The following CCDC63 variants were observed in gnomAD, a reference collection of about 807,000 sequenced individuals.
CCDC63 encodes coiled-coil domain containing 63.
Under a neutral mutation model 63.6 loss-of-function variants are expected in CCDC63, and 54 were observed. That is an observed-to-expected ratio of 0.85 (90% CI 0.68 to 1.07). The LOEUF (loss-of-function observed/expected upper bound fraction) is 1.07. Ranked by LOEUF, CCDC63 falls within the 50% of genes least tolerant of loss-of-function variation. The pLI, the probability that CCDC63 is intolerant of heterozygous loss-of-function variation, is 0.00. For missense variants in CCDC63, 637 were observed against 689.6 expected (o/e 0.92, Z 0.86); for synonymous variants, 253 against 266.1 (o/e 0.95, Z 0.48).
intron 3 of CCDC63, among the ~76,000 whole-genome samples, chr12:110,853,929 GAA>G (rs1378433277): frequency 6.6e-6 from 1 of 152,164 alleles, no homozygotes; most frequent in African/African-American, 2.4e-5. Context: ...CAGCTGGTGG[GAA>G]GTGGCTGCTC....
chr12:110,852,738 C>T, intron 1 of CCDC63, 121 bp from the exon 2 acceptor site: 1 of 671,860 alleles, frequency 1.5e-6, no homozygotes, highest in Non-Finnish European at 2.6e-6. Context: ...TGGGTATCCT[C>T]CTCATGTGCC....
In CCDC63 at chr12:110,852,911, C is replaced by T; in HGVS notation, c.-44C>T. ...GGAAGGCTCACTGGCTTTGAGCTCT[C>T]TGGGTACAGTGTCTGAGTGGAGGCA... On this transcript the variant is annotated 5_prime_UTR_variant, in exon 2 of 12. Coordinates refer to ENST00000308208, the MANE Select transcript of CCDC63 (RefSeq NM_152591.3). 5.0e-6 allele frequency: 8 copies of T among 1,614,126 alleles called. No individual in the cohort carries two copies. The highest frequency in any genetic ancestry group is 6.8e-6 in the Non-Finnish European group (8 of 1,180,034).
At chr12:110,860,840 C>T (rs143365672) in intron 4 of CCDC63, among the ~76,000 whole-genome samples, 2,373 of 152,324 alleles carry the variant, frequency 0.016, 73 homozygotes, top group African/African-American at 0.053. Context: ...CCACCCACCT[C>T]GGCCTCCCAA....
intron 10 of CCDC63, among the ~76,000 whole-genome samples, chr12:110,903,594 C>A (rs1000396978): frequency 6.6e-6 from 1 of 152,144 alleles, no homozygotes; most frequent in African/African-American, 2.4e-5. Context: ...CGGTGCATGG[C>A]GTGGTAGACA....
At chr12:110,880,621 T>C (rs1036732578) in intron 6 of CCDC63, among the ~76,000 whole-genome samples, 1 of 84,850 alleles carries the variant, frequency 1.2e-5, no homozygotes, top group African/African-American at 4.3e-5. Context: ...TTAAATAATA[T>C]ATAAATGTAA....
At chr12:110,861,525 G>T (rs934547146) in intron 4 of CCDC63, among the ~76,000 whole-genome samples, 1 of 151,814 alleles carries the variant, frequency 6.6e-6, no homozygotes, top group Non-Finnish European at 1.5e-5. Flanking sequence ...GCCTTTCCCT[G>T]TCCTCTTTGC....
At chr12:110,874,968 G>C (rs1050374059) in intron 5 of CCDC63, among the ~76,000 whole-genome samples, 2 of 152,196 alleles carry the variant, frequency 1.3e-5, no homozygotes, top group African/African-American at 4.8e-5. Context: ...TGAAACTGTA[G>C]CTCCCACATG....
chr12:110,891,948 G>A (rs1167039426), intron 8 of CCDC63, among the ~76,000 whole-genome samples: 3 of 152,202 alleles, frequency 2.0e-5, no homozygotes, highest in Non-Finnish European at 4.4e-5. Flanking sequence ...CGGTCGAAAG[G>A]TGTGAGCTTT....
chr12:110,894,165 G>C (rs536525435), intron 9 of CCDC63, among the ~76,000 whole-genome samples: 2 of 151,614 alleles, frequency 1.3e-5, no homozygotes, highest in African/African-American at 4.9e-5. Context: ...AGATCCAGCC[G>C]TTGCATATAC....
intron 5 of CCDC63, among the ~76,000 whole-genome samples, chr12:110,878,355 C>T (rs12305041): frequency 6.6e-6 from 1 of 152,124 alleles, no homozygotes; most frequent in African/African-American, 2.4e-5. Flanking sequence ...CACTCTGTTG[C>T]CCAGGCTGGA....
intron 4 of CCDC63, among the ~76,000 whole-genome samples, chr12:110,867,197 G>T (rs1318594299): frequency 7.5e-6 from 1 of 133,634 alleles, no homozygotes; most frequent in African/African-American, 2.9e-5. Flanking sequence ...CCTCCCTCCC[G>T]GACGGGGCGG....
chr12:110,850,155 C>G (rs12308836), intron 1 of CCDC63, among the ~76,000 whole-genome samples: 13,870 of 152,224 alleles, frequency 0.091, 935 homozygotes, highest in African/African-American at 0.19. Context: ...ACAAGTAGAT[C>G]TGGGGACCTG....
At position 110,884,098 on chromosome 12, in the gene CCDC63, C is replaced by T. The variant is rs748987293; in HGVS notation, c.922C>T (p.Leu308Phe). Reference protein sequence around the residue: ...ESFESYEVAHLRLLKLAESGN... With the variant: ...ESFESYEVAHFRLLKLAESGN... ...TTTTGAGAGCTATGAGGTGGCCCAC[C>T]TCCGGCTGCTGAAGCTGGCTGAGAG... Residue 308 changes from leucine (L) to phenylalanine (F), a missense_variant, in exon 8 of 12, where the codon CTC becomes TTC. By Grantham distance (22) the Leu-to-Phe change is conservative. Coordinates refer to ENST00000308208, the MANE Select transcript of CCDC63 (RefSeq NM_152591.3). 1 of 1,614,136 alleles carries T rather than the reference C, an allele frequency of 6.2e-7. No homozygotes were observed. The highest frequency in any genetic ancestry group is 1.7e-5 in the Admixed American group (1 of 60,026).
chr12:110,867,097 A>G (rs1352130090), intron 4 of CCDC63, among the ~76,000 whole-genome samples: 11 of 122,096 alleles, frequency 9.0e-5, no homozygotes, highest in East Asian at 5.4e-4. Flanking sequence ...CTCACCTCCC[A>G]GACGGGGCGG....
chr12:110,869,764 A>T (rs1000388029), intron 4 of CCDC63, among the ~76,000 whole-genome samples: 1 of 152,142 alleles, frequency 6.6e-6, no homozygotes, highest in Non-Finnish European at 1.5e-5. Context: ...GGCAGTGTAG[A>T]TTTCACTTAT....
chr12:110,853,385 C>T lies in CCDC63; in HGVS notation c.10-20C>T. The T allele has an allele frequency of 1.9e-6, 3 of 1,602,818 alleles. No individual in the cohort carries two copies. Among genetic ancestry groups the T allele is most frequent in the Non-Finnish European group, 2.6e-6 (3 of 1,176,372 alleles). On this transcript the variant is annotated intron_variant, in intron 2 of 11. Transcript: ENST00000308208. ...CCACCTGGCCCACTACGGCCTCCCACTCCTCTCCATCTCCCCCAGTTGAAG... is the reference window on the plus strand; with the variant it reads ...CCACCTGGCCCACTACGGCCTCCCATTCCTCTCCATCTCCCCCAGTTGAAG...
At chr12:110,846,062 A>G (rs2070634090), upstream of CCDC63, 1 of 151,938 alleles carries the variant, frequency 6.6e-6, no homozygotes, top group African/African-American at 2.4e-5. Context: ...TCAGCCTCCC[A>G]AAGTGCTAGG....
chr12:110,867,744 G>T (rs2070989092), intron 4 of CCDC63, among the ~76,000 whole-genome samples: 2 of 132,068 alleles, frequency 1.5e-5, no homozygotes, highest in African/African-American at 3.0e-5. Flanking sequence ...GGCTGGCCAG[G>T]CGGGGGGCTG....
intron 11 of CCDC63, 128 bp downstream of exon 11, chr12:110,904,919 C>T: frequency 1.6e-6 from 1 of 635,932 alleles, no homozygotes; most frequent in Non-Finnish European, 2.5e-6. Context: ...TTTATGAGCT[C>T]TTGTGGCCTG....
Sources: gnomAD v4.1 joint callset for allele counts (sites outside exome capture counted in the v4.1 genomes callset) on GRCh38, gnomAD v4.1.1 for gene constraint, MANE v1.5 for transcripts, NCBI Gene and HGNC (gene_info 2026-07-23, HGNC 2026-07-21) for gene names.